ALDH3A2: variants seen among roughly 807,000 people sequenced by gnomAD.
ALDH3A2 encodes the protein aldehyde dehydrogenase 3 family member A2.
A neutral mutation model predicts 51.3 loss-of-function variants in ALDH3A2; 36 were observed. That is an observed-to-expected ratio of 0.70 (90% CI 0.54 to 0.93). ALDH3A2 has a LOEUF of 0.93. Among genes scored for constraint, ALDH3A2 ranks in the 40% least tolerant of loss-of-function variants. ALDH3A2 has a pLI of 0.00. For missense variants in ALDH3A2, 552 were observed against 603.1 expected, an observed-to-expected ratio of 0.92 and a Z score of 0.89; for synonymous variants, 199 against 219.8, an observed-to-expected ratio of 0.91 and a Z score of 0.84.
At chr17:19,657,995 T>C (rs1382600368) in intron 5 of ALDH3A2, 133 bp downstream of exon 5, 6 of 733,302 alleles carry the variant, frequency 8.2e-6, no homozygotes, top group South Asian at 1.5e-5. Flanking sequence ...AGTGAACTTA[T>C]TGACTAATAT....
intron 5 of ALDH3A2, among the ~76,000 whole-genome samples, chr17:19,659,880 A>G (rs140842409): frequency 4.8e-4 from 73 of 151,862 alleles, no homozygotes; most frequent in Non-Finnish European, 8.8e-5. Flanking sequence ...TGTACCAGGA[A>G]GTTCAGGACA....
chr17:19,663,508 TAGAG>T lies in ALDH3A2; in HGVS notation c.1107+13_1107+16del, dbSNP rs754941704. Reference sequence around the variant, plus strand: ...TTTCGCATAACCATAAGGTAAGCTTTAGAGAGAACAGCTAGTTAGCATAAGCAAC... The same window carrying T: ...TTTCGCATAACCATAAGGTAAGCTTTAGAACAGCTAGTTAGCATAAGCAAC... On this transcript the variant is annotated intron_variant, in intron 7 of 9. Coordinates refer to ENST00000176643, the MANE Select transcript of ALDH3A2 (RefSeq NM_000382.3). The T allele has an allele frequency of 1.9e-6, 3 of 1,613,790 alleles. No individual in the cohort carries two copies. The South Asian group carries it at 3.3e-5, about 18-fold the overall frequency.
rs1472722619 is a variant in ALDH3A2 at position 19,673,162 on chromosome 17, T to A, written c.1443+1206T>A. The A allele has an allele frequency of 1.9e-6, 3 of 1,614,206 alleles. No homozygotes were observed. In the South Asian group the frequency reaches 3.3e-5, roughly 18 times the overall value. The stretch of plus-strand genomic sequence containing the variant: ...TTGGGTTTTCTCAGAAATACCAAGC[T>A]GTGCTGAGGAGAAAGGCCCTGTTGA... On this transcript the variant is annotated intron_variant, in intron 9 of 9. Transcript: ENST00000176643.
Position 19,656,391 on chromosome 17 carries a change from G to T in ALDH3A2, c.497G>T (p.Gly166Val). 1 of 1,614,122 alleles carries T rather than the reference G, an allele frequency of 6.2e-7. No homozygotes were observed. The highest frequency in any genetic ancestry group is 1.1e-5 in the South Asian group (1 of 91,072). ...GATCTCTATATTGTTATTAATGGTG[G>T]TGTTGAGGAAACCACGGAGCTCCTG... ...DQDLYIVING[G>V]VEETTELLKQ... The change falls in exon 4 of 10, where the codon GGT becomes GTT. Residue 166 changes from glycine to valine, a missense_variant. By Grantham distance (109) the Gly-to-Val change is moderately radical (BLOSUM62 -3). Transcript: ENST00000176643.
In ALDH3A2 at chr17:19,657,836, G is replaced by A; in HGVS notation, c.772G>A (p.Val258Ile). 1 of 1,611,764 alleles carries A rather than the reference G, an allele frequency of 6.2e-7. No individual in the cohort carries two copies. Among genetic ancestry groups the A allele is most frequent in the Non-Finnish European group, 8.5e-7 (1 of 1,177,888 alleles). ...TGAAGCATCCCTCCAAAATCAAATTGTATGGAAGATTAAGGAAACAGTGAA... is the reference window on the plus strand; with the variant it reads ...TGAAGCATCCCTCCAAAATCAAATTATATGGAAGATTAAGGAAACAGTGAA... ...LCEASLQNQI[V>I]WKIKETVKEF... The change falls in exon 5 of 10, where the codon GTA becomes ATA. Residue 258 changes from valine (V) to isoleucine (I), a missense_variant. Val to Ile is a conservative substitution (Grantham distance 29). Coordinates refer to ENST00000176643, the MANE Select transcript of ALDH3A2 (RefSeq NM_000382.3).
intron 8 of ALDH3A2, among the ~76,000 whole-genome samples, chr17:19,670,857 G>A (rs1189201869): frequency 1.3e-5 from 2 of 152,024 alleles, no homozygotes; most frequent in Non-Finnish European, 2.9e-5. Context: ...CACCGCACCC[G>A]GCCCCCTCCC....
chr17:19,665,230 T>C (rs184687890), intron 8 of ALDH3A2, among the ~76,000 whole-genome samples, 183 bp downstream of exon 8: 4 of 152,148 alleles, frequency 2.6e-5, no homozygotes, highest in East Asian at 3.9e-4. Flanking sequence ...CCCTCCAGCA[T>C]AGGGCAAATG....
Position 19,675,567 on chromosome 17 carries a change from T to C in ALDH3A2, c.1453T>C (p.Tyr485His). Residue 485 changes from tyrosine (Y) to histidine (H), a missense_variant, in exon 10 of 10, where the codon TAC becomes CAC. Coordinates refer to ENST00000176643, the MANE Select transcript of ALDH3A2 (RefSeq NM_000382.3). The part of the protein sequence containing the change: ...VAAVLVKAEY[Y>H] ...TTTTTCCTCTCTCCAGGCAGAATAT[T>C]ACTGAAGAATGATCCTGTTCAACCT... 1 of 1,613,778 alleles carries C rather than the reference T, an allele frequency of 6.2e-7. No individual in the cohort carries two copies. The highest frequency in any genetic ancestry group is 8.5e-7 in the Non-Finnish European group (1 of 1,179,662).
At chr17:19,661,648 A>G (rs2084967787) in intron 6 of ALDH3A2, among the ~76,000 whole-genome samples, 1 of 152,208 alleles carries the variant, frequency 6.6e-6, no homozygotes, top group Non-Finnish European at 1.5e-5. Context: ...CATTCCAGAA[A>G]TAATGTTTTG....
chr17:19,656,322 G>C, intron 3 of ALDH3A2, 44 bp from the exon 4 acceptor site: 1 of 1,499,630 alleles, frequency 6.7e-7, no homozygotes, highest in East Asian at 2.3e-5. Context: ...TAGACGTTAG[G>C]ATTTATTTGG....
Position 19,671,967 on chromosome 17 carries a change from A to C in ALDH3A2, c.1443+11A>C, listed in dbSNP as rs770986486. 8.1e-6 allele frequency: 13 copies of C among 1,610,252 alleles called. No individual in the cohort carries two copies. The highest frequency in any genetic ancestry group is 1.1e-5 in the Non-Finnish European group (13 of 1,176,572). On this transcript the variant is annotated intron_variant, in intron 9 of 9. Transcript: ENST00000176643. ...GCTGTGCTTGTCAAGGTGAGTCCCT[A>C]TAACCCATGAGTGCCATTCAGTCTG... is the stretch of plus-strand genomic sequence containing the variant.
intron 4 of ALDH3A2, 142 bp downstream of exon 4, chr17:19,656,716 T>C: frequency 1.2e-6 from 1 of 857,816 alleles, no homozygotes; most frequent in Non-Finnish European, 1.9e-6. Context: ...TCCTCAAGAG[T>C]AACAGGAGTC....
At position 19,654,691 on chromosome 17, in the gene ALDH3A2, G is replaced by A. The variant is rs866396995; in HGVS notation, c.472-1675G>A. Among the ~76,000 whole-genome samples, 1 of 151,928 alleles carries A rather than the reference G, an allele frequency of 6.6e-6. No homozygotes were observed. Among genetic ancestry groups the A allele is most frequent in the South Asian group, 2.1e-4 (1 of 4,800 alleles). On this transcript the variant is annotated intron_variant, in intron 3 of 9. Transcript: ENST00000176643. The surrounding 1 kb of genome is among the most constrained non-coding windows in gnomAD (Gnocchi z 4.5). ...ACGCGCAGCCCCGGTTCCTGCCTGCGCCTCTCCCTCCACACCTTCCCACAA... is the reference window on the plus strand; with the variant it reads ...ACGCGCAGCCCCGGTTCCTGCCTGCACCTCTCCCTCCACACCTTCCCACAA...
intron 8 of ALDH3A2, among the ~76,000 whole-genome samples, chr17:19,671,238 A>C (rs1418273029): frequency 6.6e-6 from 1 of 152,214 alleles, no homozygotes; most frequent in Non-Finnish European, 1.5e-5. Context: ...CCATGGATGA[A>C]TGAAGCCACA....
intron 5 of ALDH3A2, among the ~76,000 whole-genome samples, chr17:19,658,710 T>C (rs1260144462): frequency 6.7e-6 from 1 of 148,482 alleles, no homozygotes; most frequent in African/African-American, 2.5e-5. Context: ...ATCACGCCAC[T>C]GCACTCCAGC....
intron 3 of ALDH3A2, 32 bp from the exon 4 acceptor site, chr17:19,656,334 A>C (rs756185563): frequency 6.5e-7 from 1 of 1,542,300 alleles, no homozygotes; most frequent in South Asian, 1.1e-5. Context: ...TTTATTTGGC[A>C]GTGCAAGAGT....
chr17:19,675,852 A>G lies in ALDH3A2; in HGVS notation c.*280A>G, dbSNP rs2085180307. 2 of 472,894 alleles carry G rather than the reference A, an allele frequency of 4.2e-6. No individual in the cohort carries two copies. The highest frequency in any genetic ancestry group is 4.3e-5 in the South Asian group (2 of 46,656). The allele number at this position is 472,894 out of a possible 1,614,324, so 29.3% of individuals were successfully genotyped here. Reference sequence around the variant, plus strand: ...GGGAGGAGAATGTATTAGACTAAATACAAACTGCGGGGTTGTAAGGGAGTC... The same window carrying G: ...GGGAGGAGAATGTATTAGACTAAATGCAAACTGCGGGGTTGTAAGGGAGTC... On this transcript the variant is annotated 3_prime_UTR_variant, in exon 10 of 10. Coordinates refer to ENST00000176643, the MANE Select transcript of ALDH3A2 (RefSeq NM_000382.3).
rs776513696 is a variant in ALDH3A2, at chr17:19,657,854, A to G, written c.790A>G (p.Thr264Ala). The stretch of plus-strand genomic sequence containing the variant: ...TCAAATTGTATGGAAGATTAAGGAA[A>G]CAGTGAAGGTTTGTATTAAAAACAT... ...QNQIVWKIKETVKEFYGENIK... is the reference protein window; with the variant it reads ...QNQIVWKIKEAVKEFYGENIK... Residue 264 changes from threonine to alanine, a missense_variant, in exon 5 of 10, where the codon ACA (threonine) becomes GCA (alanine). Coordinates refer to ENST00000176643, the MANE Select transcript of ALDH3A2 (RefSeq NM_000382.3). 3.0e-5 allele frequency: 48 copies of G among 1,600,710 alleles called. No homozygotes were observed. The highest frequency in any genetic ancestry group is 3.0e-5 in the Non-Finnish European group (35 of 1,167,968).
At position 19,654,300 on chromosome 17, in the gene ALDH3A2, C is replaced by T. The variant is rs1354419830; in HGVS notation, c.471+1668C>T. Among the ~76,000 whole-genome samples, 8 of 152,396 alleles carry T rather than the reference C, an allele frequency of 5.2e-5. No individual in the cohort carries two copies. The highest frequency in any genetic ancestry group is 2.0e-4 in the Admixed American group (3 of 15,312). On this transcript the variant is annotated intron_variant, in intron 3 of 9. Coordinates refer to ENST00000176643, the MANE Select transcript of ALDH3A2 (RefSeq NM_000382.3). This position sits in a 1 kb window ranked among gnomAD's most constrained non-coding sequence, Gnocchi z 4.5. Reference sequence around the variant, plus strand: ...TGGGTGGAGCTGCCCATCAGTCCAGCGCTGCGCGCCTGCACCCCTCAGCCC... The same window carrying T: ...TGGGTGGAGCTGCCCATCAGTCCAGTGCTGCGCGCCTGCACCCCTCAGCCC...
Sources: allele counts gnomAD v4.1 joint callset (sites outside exome capture counted in the v4.1 genomes callset), GRCh38; gene constraint gnomAD v4.1.1; non-coding constraint Gnocchi (gnomAD v3.1); transcripts MANE v1.5; gene names NCBI Gene and HGNC (gene_info 2026-07-23, HGNC 2026-07-21).